The following SLC24A2 variants were observed in gnomAD, a reference collection of about 807,000 sequenced individuals.
The protein encoded by SLC24A2 is sodium/potassium/calcium exchanger 2.
In SLC24A2, 36 loss-of-function variants were observed where a neutral mutation model predicts 62.0. The ratio of observed to expected loss-of-function variants is 0.58; its 90% confidence interval spans 0.44 to 0.77. The LOEUF (loss-of-function observed/expected upper bound fraction) is 0.77, where lower values mean the gene tolerates loss of function less well. Ranked by LOEUF, SLC24A2 falls within the 30% of genes least tolerant of loss-of-function variation. The pLI is 0.00. For missense variants in SLC24A2, 846 were observed against 817.9 expected (o/e 1.03, Z -0.42); for synonymous variants, 358 against 294.0 (o/e 1.22, Z -2.23).
the SLC24A2 span, among the ~76,000 whole-genome samples, chr9:20,127,983 C>A: frequency 1.3e-5 from 2 of 152,006 alleles, no homozygotes; most frequent in East Asian, 3.9e-4. Context: ...TCAACCAATG[C>A]CTACTACGTA....
At chr9:19,804,660 C>A in the SLC24A2 span, among the ~76,000 whole-genome samples, 1 of 152,030 alleles carries the variant, frequency 6.6e-6, no homozygotes, top group Admixed American at 6.6e-5. Flanking sequence ...CTGGTTAGAA[C>A]CTCAAGTACA....
the SLC24A2 span, among the ~76,000 whole-genome samples, chr9:20,123,089 T>G: frequency 6.6e-6 from 1 of 152,176 alleles, no homozygotes. Flanking sequence ...GAATTTGTTT[T>G]TCACAGTTCT....
At chr9:19,586,677 G>A (rs985856903) in intron 5 of SLC24A2, among the ~76,000 whole-genome samples, 1 of 152,084 alleles carries the variant, frequency 6.6e-6, no homozygotes, top group Admixed American at 6.6e-5. Context: ...GTATCAGACT[G>A]CAGAATATGA....
rs114546083 is a variant in SLC24A2, at chr9:19,547,677, T to C, written c.1479+2460A>G. Among the ~76,000 whole-genome samples, 1,245 of 151,672 alleles carry C rather than the reference T, an allele frequency of 8.2e-3. 69 individuals are homozygous for C. The highest frequency in any genetic ancestry group is 0.029 in the African/African-American group (1,196 of 40,936). ...CTTCCTGAGTGCCTCAATGGTTGTA[T>C]GCAAACATCCTCTCATCAACCAATC... is the stretch of plus-strand genomic sequence containing the variant. On this transcript the variant is annotated intron_variant, in intron 8 of 10. Coordinates refer to ENST00000341998, the MANE Select transcript of SLC24A2 (RefSeq NM_020344.4).
chr9:20,249,651 G>C, the SLC24A2 span, among the ~76,000 whole-genome samples: 1 of 139,688 alleles, frequency 7.2e-6, no homozygotes, highest in Non-Finnish European at 1.5e-5. Flanking sequence ...GCTACAGTGA[G>C]CTACGATTGC....
At chr9:19,821,500 C>T in the SLC24A2 span, among the ~76,000 whole-genome samples, 13 of 152,160 alleles carry the variant, frequency 8.5e-5, no homozygotes, top group African/African-American at 3.1e-4. Flanking sequence ...ACAGGACTGG[C>T]TGAAAAACAC....
At position 19,632,418 on chromosome 9, in the gene SLC24A2, AG is replaced by A. The variant is rs1818202652; in HGVS notation, c.931-10120del. 6.6e-6 allele frequency among the ~76,000 whole-genome samples: 1 copy of A among 152,218 alleles called. No individual in the cohort carries two copies. Among genetic ancestry groups the A allele is most frequent in the Non-Finnish European group, 1.5e-5 (1 of 68,042 alleles). ...ATTTTTCTAGGTGCAGGGATAAAAC[AG>A]TGACCAAAATAGCCCAAATCCTTGC... is the stretch of plus-strand genomic sequence containing the variant. On this transcript the variant is annotated intron_variant, in intron 2 of 10. Transcript: ENST00000341998. The surrounding 1 kb of genome is among the most constrained non-coding windows in gnomAD (Gnocchi z 4.5).
chr9:20,002,684 ACT>A, the SLC24A2 span, among the ~76,000 whole-genome samples: 1 of 152,116 alleles, frequency 6.6e-6, no homozygotes, highest in Non-Finnish European at 1.5e-5. Context: ...AGACTGGTGC[ACT>A]CACAGTGACT....
chr9:19,622,372 T>C (rs1817928922), intron 2 of SLC24A2, 73 bp from the exon 3 acceptor site: 3 of 1,439,712 alleles, frequency 2.1e-6, no homozygotes, highest in African/African-American at 1.4e-5. Flanking sequence ...GGCATTTACA[T>C]TTAATAACAA....
chr9:19,931,690 T>C, the SLC24A2 span, among the ~76,000 whole-genome samples: 12 of 152,194 alleles, frequency 7.9e-5, no homozygotes, highest in South Asian at 4.1e-4. Context: ...TGTCCCATAT[T>C]TGGCATGGGA....
chr9:20,168,775 C>G, the SLC24A2 span, among the ~76,000 whole-genome samples: 1 of 152,004 alleles, frequency 6.6e-6, no homozygotes, highest in African/African-American at 2.4e-5. Flanking sequence ...AATGATGCAG[C>G]CACTGTGGAG....
the SLC24A2 span, among the ~76,000 whole-genome samples, chr9:19,819,390 C>T: frequency 6.6e-6 from 1 of 152,062 alleles, no homozygotes; most frequent in African/African-American, 2.4e-5. Context: ...GCAAAGGGAA[C>T]AGTCAGTAGA....
At chr9:19,754,295 G>A (rs959980322) in intron 2 of SLC24A2, among the ~76,000 whole-genome samples, 7 of 152,208 alleles carry the variant, frequency 4.6e-5, no homozygotes, top group South Asian at 2.1e-4. Flanking sequence ...GAAGCCACCC[G>A]TCTATCCTCC....
chr9:19,715,000 G>T (rs920554439), intron 2 of SLC24A2, among the ~76,000 whole-genome samples: 6 of 151,850 alleles, frequency 4.0e-5, no homozygotes, highest in African/African-American at 1.5e-4. Flanking sequence ...GAAGAAGTGG[G>T]AAAAGTCTAT....
At chr9:20,123,553 T>C in the SLC24A2 span, among the ~76,000 whole-genome samples, 46 of 152,334 alleles carry the variant, frequency 3.0e-4, no homozygotes, top group African/African-American at 8.9e-4. Context: ...TTTGTACTTA[T>C]ATGAATGAGA....
chr9:19,952,035 C>A, the SLC24A2 span, among the ~76,000 whole-genome samples: 2 of 151,994 alleles, frequency 1.3e-5, no homozygotes. Flanking sequence ...GTGTGCAAGT[C>A]TTGCAGAATT....
chr9:19,545,791 A>G (rs570709154), intron 8 of SLC24A2, among the ~76,000 whole-genome samples: 34 of 151,816 alleles, frequency 2.2e-4, no homozygotes, highest in Non-Finnish European at 4.0e-4. Flanking sequence ...GGCACCCACC[A>G]CCACGCCTGC....
At chr9:20,084,426 C>A in the SLC24A2 span, among the ~76,000 whole-genome samples, 1 of 151,564 alleles carries the variant, frequency 6.6e-6, no homozygotes, top group African/African-American at 2.4e-5. Context: ...ATCAGAATTC[C>A]CCTCCTTTCT....
the SLC24A2 span, among the ~76,000 whole-genome samples, chr9:20,002,495 C>A: frequency 2.0e-5 from 3 of 151,410 alleles, no homozygotes; most frequent in Non-Finnish European, 4.4e-5. Flanking sequence ...ACTGCACTTA[C>A]TGTTAAAACA....
Sources: allele counts gnomAD v4.1 joint callset (sites outside exome capture counted in the v4.1 genomes callset), GRCh38; gene constraint gnomAD v4.1.1; non-coding constraint Gnocchi (gnomAD v3.1); transcripts MANE v1.5; gene names NCBI Gene and HGNC (gene_info 2026-07-23, HGNC 2026-07-21).